The following APPL2 variants were observed in gnomAD, a reference collection of about 807,000 sequenced individuals.
APPL2 encodes DCC-interacting protein 13-beta.
Under a neutral mutation model 92.7 loss-of-function variants are expected in APPL2, and 84 were observed. The ratio of observed to expected loss-of-function variants is 0.91; its 90% CI spans 0.76 to 1.09. The LOEUF is 1.09. Among genes scored for constraint, APPL2 ranks in the 50% least tolerant of loss-of-function variants. APPL2 has a pLI of 0.00. For synonymous variants in APPL2, 291 were observed against 291.0 expected, an observed-to-expected ratio of 1.00 and a Z score of 0.00; for missense variants, 736 against 824.5, an observed-to-expected ratio of 0.89 and a Z score of 1.31.
rs1566060806 is a variant in APPL2 at position 105,190,089 on chromosome 12, AC to A, written c.1307del (p.Ser436IlefsTer8). ...NDKIVPKATA[S>X]LPEAEELIAP... ...CGATCAGCTCCTCTGCTTCAGGTAG[AC>A]TGGCTGTTGCTTTGGGAACAATCTT... On this transcript the variant is annotated frameshift_variant, in exon 15 of 21. Coordinates refer to ENST00000258530, the MANE Select transcript of APPL2 (RefSeq NM_018171.5). LOFTEE classifies it high-confidence loss of function. 2.5e-6 allele frequency: 4 copies of A among 1,614,186 alleles called. No individual in the cohort carries two copies. Among genetic ancestry groups the A allele is most frequent in the Non-Finnish European group, 3.4e-6 (4 of 1,180,024 alleles).
rs747911781 is a variant in APPL2 at position 105,195,585 on chromosome 12, CTCT to C, written c.1092_1094del (p.Glu365del). ...GAAATATGACAAACAAAATTTTTACCTCTTCATTTTCCTTTCTGCTCTCAGCCT... is the reference window on the plus strand; with the variant it reads ...GAAATATGACAAACAAAATTTTTACCTCATTTTCCTTTCTGCTCTCAGCCT... On this transcript the variant is annotated inframe_deletion and splice_region_variant, in exon 12 of 21. Transcript: ENST00000258530. The C allele has an allele frequency of 1.2e-6, 2 of 1,614,206 alleles. No homozygotes were observed. The highest frequency in any genetic ancestry group is 2.2e-5 in the East Asian group (1 of 44,884).
At chr12:105,221,083 T>C (rs931305286) in intron 2 of APPL2, among the ~76,000 whole-genome samples, 3 of 152,230 alleles carry the variant, frequency 2.0e-5, no homozygotes, top group Non-Finnish European at 2.9e-5. Flanking sequence ...AGATCAACTT[T>C]AATCTTACTC....
chr12:105,176,388 C>A (rs1440482811), intron 19 of APPL2: 1 of 500,094 alleles, frequency 2.0e-6, no homozygotes, highest in African/African-American at 2.0e-5. Context: ...CACGATATGT[C>A]CATATACACA....
chr12:105,192,481 C>G (rs534604321), intron 14 of APPL2, among the ~76,000 whole-genome samples: 1 of 144,084 alleles, frequency 6.9e-6, no homozygotes, highest in South Asian at 2.5e-4. Flanking sequence ...CGCCCTCATC[C>G]TGTCCCATGA....
chr12:105,223,644 T>C lies in APPL2; in HGVS notation c.153+5481A>G, dbSNP rs931866002. ...AGACTGAGGTGGCTTGAGGAACAAA[T>C]ATCAGATGTTTGGCGAGGAGCCAAA... On this transcript the variant is annotated intron_variant, in intron 2 of 20. Transcript: ENST00000258530. 8.5e-5 allele frequency among the ~76,000 whole-genome samples: 13 copies of C among 152,290 alleles called. 1 individual carries two copies. Among genetic ancestry groups the C allele is most frequent in the East Asian group, 3.9e-4 (2 of 5,180 alleles).
rs556728779 is a variant in APPL2 at position 105,187,132 on chromosome 12, A to G, written c.1634+1141T>C. ...TTATTCCAGGACCAATAGGATTATA[A>G]GAACCATGAGCCCATTTCTGTAAAA... is the stretch of plus-strand genomic sequence containing the variant. On this transcript the variant is annotated intron_variant, in intron 17 of 20. Transcript: ENST00000258530. Among the ~76,000 whole-genome samples, 19 of 152,322 alleles carry G rather than the reference A, an allele frequency of 1.2e-4. No homozygotes were observed. In the East Asian group the frequency reaches 2.9e-3, roughly 23 times the overall value.
intron 3 of APPL2, 48 bp downstream of exon 3, chr12:105,217,618 A>ATT (rs1454448873): frequency 6.3e-7 from 1 of 1,576,822 alleles, no homozygotes; most frequent in South Asian, 1.1e-5. Flanking sequence ...TCCACTTAAG[A>ATT]AAGTCCTGAA....
At chr12:105,174,876 T>TGGGC (rs1555244798) in intron 20 of APPL2, among the ~76,000 whole-genome samples, 1 of 89,010 alleles carries the variant, frequency 1.1e-5, no homozygotes, top group Admixed American at 1.2e-4. Context: ...TTTTTTTTGG[T>TGGGC]GGGGGGGGGG....
At chr12:105,223,899 T>C (rs1201202039) in intron 2 of APPL2, among the ~76,000 whole-genome samples, 1 of 152,174 alleles carries the variant, frequency 6.6e-6, no homozygotes, top group Admixed American at 6.5e-5. Context: ...CTTATGGCCT[T>C]TGTTTAGCTG....
At position 105,186,673 on chromosome 12, in the gene APPL2, T is replaced by TATCA. The variant is rs1566056424; in HGVS notation, c.1634+1599_1634+1600insTGAT. 4.2e-5 allele frequency among the ~76,000 whole-genome samples: 3 copies of TATCA among 70,674 alleles called. No homozygotes were observed. The East Asian group carries it at 2.2e-3, about 53-fold the overall frequency. The allele number at this position is 70,674 out of a possible 152,430, so 46.4% of individuals were successfully genotyped here. A position where few individuals can be genotyped will look rare whatever the true frequency, so the allele number is the denominator to read the frequency against. ...ATCGATATCATATATATCATATATA[T>TATCA]GATATATCATATATATATCATATAT... On this transcript the variant is annotated intron_variant, in intron 17 of 20. Coordinates refer to ENST00000258530, the MANE Select transcript of APPL2 (RefSeq NM_018171.5).
intron 11 of APPL2, among the ~76,000 whole-genome samples, chr12:105,196,425 CTTTTTTTTTTTTTTTTT>C (rs59820038): frequency 2.4e-5 from 2 of 83,812 alleles, no homozygotes; most frequent in Non-Finnish European, 4.7e-5. Context: ...GGCGTTAACT[CTTTTTTTTTTTTTTTTT>C]TTTTTTTTTT....
chr12:105,201,930 G>A (rs372097601), intron 9 of APPL2, among the ~76,000 whole-genome samples: 84 of 152,222 alleles, frequency 5.5e-4, no homozygotes, highest in East Asian at 1.2e-3. Flanking sequence ...ATCATCCCCC[G>A]GGGAAGGGCT....
At chr12:105,178,290 A>G (rs964648410) in intron 17 of APPL2, among the ~76,000 whole-genome samples, 1 of 152,192 alleles carries the variant, frequency 6.6e-6, no homozygotes, top group African/African-American at 2.4e-5. Context: ...TGAAAGCAAA[A>G]ATATAGTTTG....
At chr12:105,189,580 G>A (rs2135938833) in intron 16 of APPL2, among the ~76,000 whole-genome samples, 192 bp downstream of exon 16, 1 of 152,296 alleles carries the variant, frequency 6.6e-6, no homozygotes, top group Middle Eastern at 3.4e-3. Flanking sequence ...GCTGTAGGTG[G>A]TCTTTCAGCT....
chr12:105,229,621 T>C (rs754366365), intron 1 of APPL2: 266 of 997,004 alleles, frequency 2.7e-4, no homozygotes, highest in Non-Finnish European at 3.1e-4. Flanking sequence ...CAGGCCTATC[T>C]GTGTACCTGG....
rs960449480 is a variant in APPL2 at position 105,173,624 on chromosome 12, C to T, written c.*690G>A. The T allele has an allele frequency of 1.3e-5, 2 of 152,660 alleles. No individual in the cohort carries two copies. Among genetic ancestry groups the T allele is most frequent in the African/African-American group, 4.8e-5 (2 of 41,458 alleles). 9.5% of individuals were successfully genotyped at this position (152,660 alleles called of 1,614,324 possible). Reference sequence around the variant, plus strand: ...ACAGTGATCCACTACTAAAAATACTCATACCTAGGAGGACCTTAAACTTCT... The same window carrying T: ...ACAGTGATCCACTACTAAAAATACTTATACCTAGGAGGACCTTAAACTTCT... On this transcript the variant is annotated 3_prime_UTR_variant, in exon 21 of 21. Transcript: ENST00000258530.
chr12:105,197,722 C>A, intron 11 of APPL2, 43 bp downstream of exon 11: 1 of 1,611,234 alleles, frequency 6.2e-7, no homozygotes, highest in South Asian at 1.1e-5. Flanking sequence ...CGGGTGGAAC[C>A]ACTATACTCA....
chr12:105,206,565 T>A (rs1228916734), intron 8 of APPL2, among the ~76,000 whole-genome samples: 1 of 152,058 alleles, frequency 6.6e-6, no homozygotes, highest in Non-Finnish European at 1.5e-5. Flanking sequence ...AGAAACCCAA[T>A]AAGTAAAGGA....
chr12:105,186,690 ATC>A (rs1886731703), intron 17 of APPL2, among the ~76,000 whole-genome samples: 1 of 62,994 alleles, frequency 1.6e-5, no homozygotes, highest in East Asian at 1.5e-3. Flanking sequence ...TCATATATAT[ATC>A]ATATATCATA....
Sources: allele counts gnomAD v4.1 joint callset (sites outside exome capture counted in the v4.1 genomes callset), GRCh38; gene constraint gnomAD v4.1.1; transcripts MANE v1.5; gene names NCBI Gene and HGNC (gene_info 2026-07-23, HGNC 2026-07-21).